MRPS18B: variants seen among roughly 807,000 people sequenced by gnomAD.
MRPS18B encodes the protein small ribosomal subunit protein mS40.
A neutral mutation model predicts 28.4 loss-of-function variants in MRPS18B; 27 were observed. The observed-to-expected ratio is 0.95, with a 90% CI of 0.70 to 1.31. The LOEUF is 1.31. MRPS18B is among the 40% of genes most tolerant of loss of function. The probability of loss-of-function intolerance (pLI) is 0.00; values close to 1 mark genes in which losing one functional copy is unlikely to be tolerated. For missense variants in MRPS18B, 343 were observed against 335.9 expected, an observed-to-expected ratio of 1.02 and a Z score of -0.17; for synonymous variants, 118 against 123.7, an observed-to-expected ratio of 0.95 and a Z score of 0.30.
intron 4 of MRPS18B, among the ~76,000 whole-genome samples, chr6:30,622,561 C>CAAA (rs554297101): frequency 0.013 from 367 of 28,572 alleles, 12 homozygotes; most frequent in Non-Finnish European, 0.019. Flanking sequence ...GACTCTGTCT[C>CAAA]AAAAAAAAAA....
At chr6:30,619,397 A>G in intron 1 of MRPS18B, 96 bp from the exon 2 acceptor site, 2 of 921,872 alleles carry the variant, frequency 2.2e-6, no homozygotes, top group Non-Finnish European at 3.4e-6. Flanking sequence ...CCATTAATGC[A>G]GTATGTGTGC....
chr6:30,617,997 G>C, intron 1 of MRPS18B, 54 bp downstream of exon 1: 4 of 1,591,212 alleles, frequency 2.5e-6, no homozygotes, highest in Non-Finnish European at 3.4e-6. Flanking sequence ...ACCTTCTCGA[G>C]GTTGTCGCTC....
At position 30,624,532 on chromosome 6, in the gene MRPS18B, A is replaced by C. The variant is rs375518873; in HGVS notation, c.422-351A>C. Reference sequence around the variant, plus strand: ...TTACTCTCTCAGATTGCCTTCCCCAACTCTGAAATCTCTTTTCCCTTTATT... The same window carrying C: ...TTACTCTCTCAGATTGCCTTCCCCACCTCTGAAATCTCTTTTCCCTTTATT... On this transcript the variant is annotated intron_variant, in intron 5 of 6. Coordinates refer to ENST00000259873, the MANE Select transcript of MRPS18B (RefSeq NM_014046.4). Among the ~76,000 whole-genome samples, 5 of 151,892 alleles carry C rather than the reference A, an allele frequency of 3.3e-5. No homozygotes were observed. The East Asian group carries it at 7.7e-4, about 24-fold the overall frequency.
chr6:30,620,680 C>G (rs1761102808), intron 4 of MRPS18B, among the ~76,000 whole-genome samples: 1 of 152,122 alleles, frequency 6.6e-6, no homozygotes. Flanking sequence ...AGCGATTCTC[C>G]CGCCTCAGCC....
chr6:30,625,061 C>T (rs1761417628), intron 6 of MRPS18B, 119 bp downstream of exon 6: 1 of 1,039,110 alleles, frequency 9.6e-7, no homozygotes. Flanking sequence ...GCATGTTCTT[C>T]CTGACGTTAC....
At chr6:30,622,938 T>C in intron 5 of MRPS18B, 40 bp downstream of exon 5, 3 of 1,589,142 alleles carry the variant, frequency 1.9e-6, no homozygotes, top group Non-Finnish European at 2.6e-6. Context: ...AGCTTTTCCT[T>C]GTGGCATGCC....
chr6:30,625,595 C>G lies in MRPS18B; in HGVS notation c.575C>G (p.Thr192Ser), dbSNP rs1202819214. ...GTGAGTGCTACTCCGCCAGCCCCCA[C>G]CCTGGTCTCAGGTGACCCCTGGTAC... ...GAVSATPPAP[T>S]LVSGDPWYPW... The change falls in exon 7 of 7, where the codon ACC becomes AGC. Residue 192 changes from threonine (T) to serine (S), a missense_variant. Thr to Ser is a moderately conservative substitution (Grantham distance 58). Coordinates refer to ENST00000259873, the MANE Select transcript of MRPS18B (RefSeq NM_014046.4). The G allele has an allele frequency of 2.5e-6, 4 of 1,612,272 alleles. No individual in the cohort carries two copies. Among genetic ancestry groups the G allele is most frequent in the Non-Finnish European group, 3.4e-6 (4 of 1,179,414 alleles).
chr6:30,618,081 C>A (rs187650682), intron 1 of MRPS18B, 138 bp downstream of exon 1: 10 of 800,332 alleles, frequency 1.2e-5, no homozygotes, highest in South Asian at 4.9e-5. Flanking sequence ...CCTGCAACCC[C>A]CCCCCCACAC....
intron 1 of MRPS18B, 91 bp downstream of exon 1, chr6:30,618,034 C>G: frequency 7.3e-7 from 1 of 1,361,820 alleles, no homozygotes; most frequent in Admixed American, 1.8e-5. Context: ...CGAGTGGAGA[C>G]CTTCCCACGT....
intron 4 of MRPS18B, among the ~76,000 whole-genome samples, chr6:30,620,957 C>G: frequency 6.6e-6 from 1 of 152,216 alleles, no homozygotes; most frequent in East Asian, 1.9e-4. Context: ...GGCCCACTTT[C>G]TTCCTGAGGT....
At chr6:30,623,380 A>G (rs1036436058) in intron 5 of MRPS18B, among the ~76,000 whole-genome samples, 1 of 152,168 alleles carries the variant, frequency 6.6e-6, no homozygotes, top group African/African-American at 2.4e-5. Context: ...TTCTGTAAGC[A>G]AACTATCTAA....
intron 6 of MRPS18B, 122 bp from the exon 7 acceptor site, chr6:30,625,380 C>A: frequency 9.9e-7 from 1 of 1,011,172 alleles, no homozygotes; most frequent in Non-Finnish European, 1.5e-6. Context: ...TTGCAGTATA[C>A]AACATGCATA....
In MRPS18B at chr6:30,625,739, C is replaced by G. The variant is rs1034357299; in HGVS notation, c.719C>G (p.Pro240Arg). 1.2e-5 allele frequency: 20 copies of G among 1,613,018 alleles called. No homozygotes were observed. The highest frequency in any genetic ancestry group is 1.7e-5 in the Non-Finnish European group (20 of 1,179,966). ...PPPESMPKMP[P>R]RTPAEASSTG... ...CCTGAGTCAATGCCCAAGATGCCCC[C>G]TAGAACACCAGCGGAAGCCTCCTCC... Residue 240 changes from proline to arginine, a missense_variant, in exon 7 of 7, where the codon CCT becomes CGT. Physicochemically the swap from Pro to Arg is moderately radical, Grantham distance 103. Transcript: ENST00000259873.
intron 5 of MRPS18B, among the ~76,000 whole-genome samples, chr6:30,623,670 G>A (rs1761307395): frequency 1.3e-5 from 2 of 152,162 alleles, no homozygotes; most frequent in East Asian, 1.9e-4. Context: ...CTGAGACAGA[G>A]ACCACAGGAC....
Position 30,626,096 on chromosome 6 carries a change from CAAA to C in MRPS18B, c.*312_*314del, listed in dbSNP as rs35997671. On this transcript the variant is annotated 3_prime_UTR_variant, in exon 7 of 7. Coordinates refer to ENST00000259873, the MANE Select transcript of MRPS18B (RefSeq NM_014046.4). ...CCTGGGTGACAGCTAGACCCTGTCT[CAAA>C]AAAAAAAAAAAAGACTGGGAAGAGA... 5.2e-3 allele frequency: 1,061 copies of C among 203,512 alleles called. No individual in the cohort carries two copies. Among genetic ancestry groups the C allele is most frequent in the Middle Eastern group, 0.01 (7 of 696 alleles). The allele number at this position is 203,512 out of a possible 1,614,324, so 12.6% of individuals were successfully genotyped here.
In MRPS18B at chr6:30,620,001, C is replaced by T; in HGVS notation, c.354+12C>T. Reference sequence around the variant, plus strand: ...ATGTTGACTTTAGGGTAAGGAGAGTCTTTTCTTTTTAGGGTAAGAAAAATA... The same window carrying T: ...ATGTTGACTTTAGGGTAAGGAGAGTTTTTTCTTTTTAGGGTAAGAAAAATA... On this transcript the variant is annotated intron_variant, in intron 4 of 6. Transcript: ENST00000259873. 3.1e-6 allele frequency: 5 copies of T among 1,612,674 alleles called. No homozygotes were observed. The highest frequency in any genetic ancestry group is 3.4e-6 in the Non-Finnish European group (4 of 1,178,742).
Position 30,619,556 on chromosome 6 carries a change from A to G in MRPS18B, c.142A>G (p.Ile48Val), listed in dbSNP as rs1298484662. 8 of 1,612,534 alleles carry G rather than the reference A, an allele frequency of 5.0e-6. No individual in the cohort carries two copies. In the South Asian group the frequency reaches 7.7e-5, roughly 15 times the overall value. ...SEEDSLSSVP[I>V]SPYKDEPWKY... is the part of the protein sequence containing the mutation. ...GGAAGATTCTTTGTCCTCAGTTCCC[A>G]TTTCTCCTTATAAGGATGAGCCCTG... is the stretch of plus-strand genomic sequence containing the variant. The change falls in exon 2 of 7, where the codon ATT becomes GTT. Residue 48 changes from isoleucine (I) to valine (V), a missense_variant. Physicochemically the swap from Ile to Val is conservative, Grantham distance 29. Coordinates refer to ENST00000259873, the MANE Select transcript of MRPS18B (RefSeq NM_014046.4).
In MRPS18B at chr6:30,625,560, T is replaced by C. The variant is rs1167268149; in HGVS notation, c.540T>C (p.Ser180=). 1 of 1,605,960 alleles carries C rather than the reference T, an allele frequency of 6.2e-7. No individual in the cohort carries two copies. Among genetic ancestry groups the C allele is most frequent in the Non-Finnish European group, 8.5e-7 (1 of 1,174,172 alleles). Residue 180 remains serine (S), a synonymous_variant, in exon 7 of 7, where the codon TCT becomes TCC. Coordinates refer to ENST00000259873, the MANE Select transcript of MRPS18B (RefSeq NM_014046.4). The part of the protein sequence containing the change: ...VEPRDLDFST[S]HGAVSATPPA... ...CACGGGACCTTGACTTCAGTACCTCTCATGGGGCTGTGAGTGCTACTCCGC... is the reference window on the plus strand; with the variant it reads ...CACGGGACCTTGACTTCAGTACCTCCCATGGGGCTGTGAGTGCTACTCCGC...
chr6:30,617,934 C>CA lies in MRPS18B; in HGVS notation c.70dup (p.Arg24LysfsTer16). On this transcript the variant is annotated frameshift_variant, in exon 1 of 7. Coordinates refer to ENST00000259873, the MANE Select transcript of MRPS18B (RefSeq NM_014046.4). LOFTEE classifies it high-confidence loss of function. ...TGCTATCTCTCTTCCGAGGTTCTCACAGAGTTCAGGTAACTCTTCGAAAGA... is the reference window on the plus strand; with the variant it reads ...TGCTATCTCTCTTCCGAGGTTCTCACAAGAGTTCAGGTAACTCTTCGAAAGA... 1 of 1,614,228 alleles carries CA rather than the reference C, an allele frequency of 6.2e-7. No individual in the cohort carries two copies. The highest frequency in any genetic ancestry group is 1.1e-5 in the South Asian group (1 of 91,086).
Sources: allele counts gnomAD v4.1 joint callset (sites outside exome capture counted in the v4.1 genomes callset), GRCh38; gene constraint gnomAD v4.1.1; transcripts MANE v1.5; gene names NCBI Gene and HGNC (gene_info 2026-07-23, HGNC 2026-07-21).